The following WAC variants were observed in gnomAD, a reference collection of about 807,000 sequenced individuals.
The protein encoded by WAC is WW domain containing adaptor with coiled-coil.
In WAC, 11 loss-of-function variants were observed where a neutral mutation model predicts 79.6. The ratio of observed to expected loss-of-function variants is 0.14; its 90% CI spans 0.09 to 0.23. The LOEUF (loss-of-function observed/expected upper bound fraction) is 0.23, where lower values mean the gene tolerates loss of function less well. WAC is among the 10% of genes least tolerant of loss of function. The pLI is 1.00. For synonymous variants in WAC, 304 were observed against 276.9 expected, an observed-to-expected ratio of 1.10 and a Z score of -0.97; for missense variants, 728 against 773.5, an observed-to-expected ratio of 0.94 and a Z score of 0.70.
chr10:28,534,397 G>A, intron 2 of WAC: 2 of 233,962 alleles, frequency 8.5e-6, no homozygotes, highest in East Asian at 1.7e-4. Context: ...GAACTGAAAA[G>A]TTAATGTAAA....
intron 7 of WAC, among the ~76,000 whole-genome samples, chr10:28,604,003 A>C (rs1261158973): frequency 1.5e-5 from 2 of 134,998 alleles, no homozygotes; most frequent in African/African-American, 5.5e-5. Flanking sequence ...ATATATATAT[A>C]TTTCTATACT....
At chr10:28,593,725 T>G (rs538927337) in intron 6 of WAC, among the ~76,000 whole-genome samples, 159 of 106,394 alleles carry the variant, frequency 1.5e-3, no homozygotes, top group African/African-American at 6.9e-3. Flanking sequence ...CCAGTGAGAC[T>G]CTCTCAAAAA....
chr10:28,579,495 A>G (rs1042810603), intron 3 of WAC, among the ~76,000 whole-genome samples: 3 of 152,214 alleles, frequency 2.0e-5, no homozygotes, highest in African/African-American at 4.8e-5. Context: ...AAGTCTTACT[A>G]TATTCTTTCT....
chr10:28,618,997 G>A (rs966531031), intron 13 of WAC, among the ~76,000 whole-genome samples: 2 of 152,204 alleles, frequency 1.3e-5, no homozygotes. Context: ...TGTTAGAAAA[G>A]GCTGGGCGCG....
At chr10:28,549,281 C>T (rs542300535) in intron 3 of WAC, among the ~76,000 whole-genome samples, 2 of 152,244 alleles carry the variant, frequency 1.3e-5, no homozygotes, top group Admixed American at 6.5e-5. Context: ...TCAAAAGTTA[C>T]TTTTTCTGAG....
rs968705054 is a variant in WAC at position 28,622,012 on chromosome 10, G to C, written c.*2406G>C. 6.6e-6 allele frequency: 1 copy of C among 152,276 alleles called. No individual in the cohort carries two copies. Among genetic ancestry groups the C allele is most frequent in the Admixed American group, 6.6e-5 (1 of 15,256 alleles). The allele number at this position is 152,276 out of a possible 1,614,324, so 9.4% of individuals were successfully genotyped here. ...CCTGCCTCGGCGTTCCGAGTAGCTG[G>C]GATTACAGGCATGCACCACCACGCC... On this transcript the variant is annotated 3_prime_UTR_variant, in exon 14 of 14. Transcript: ENST00000354911.
intron 12 of WAC, 85 bp downstream of exon 12, chr10:28,616,447 C>T (rs553669224): frequency 8.2e-6 from 9 of 1,092,910 alleles, no homozygotes; most frequent in East Asian, 5.5e-5. Context: ...AATGTGACCA[C>T]TGAATTCAAG....
rs1295016995 is a variant in WAC, at chr10:28,581,102, G to C, written c.275-2297G>C. ...AGCTCACTAGAGATTTAGTGTGCACGGCTTTTACTGGATTTGGTGAGTTAT... is the reference window on the plus strand; with the variant it reads ...AGCTCACTAGAGATTTAGTGTGCACCGCTTTTACTGGATTTGGTGAGTTAT... On this transcript the variant is annotated intron_variant, in intron 3 of 13. Transcript: ENST00000354911. 2.0e-5 allele frequency among the ~76,000 whole-genome samples: 3 copies of C among 151,956 alleles called. No homozygotes were observed. The East Asian group carries it at 5.8e-4, about 29-fold the overall frequency.
At chr10:28,538,307 G>C in intron 3 of WAC, 1 of 333,552 alleles carries the variant, frequency 3.0e-6, no homozygotes, top group Non-Finnish European at 6.4e-6. Flanking sequence ...ATTCAGGCCG[G>C]GTCAGTGGCT....
At chr10:28,549,799 A>C (rs1381937313) in intron 3 of WAC, among the ~76,000 whole-genome samples, 1 of 152,156 alleles carries the variant, frequency 6.6e-6, no homozygotes, top group Non-Finnish European at 1.5e-5. Context: ...ATGAACTGTT[A>C]TGTCCATGCC....
rs1381162490 is a variant in WAC at position 28,622,214 on chromosome 10, G to T, written c.*2608G>T. ...TTAAACACAGAAAATCTAAAATTTT[G>T]TGGAAATATTTTAAATATTGCACCT... On this transcript the variant is annotated 3_prime_UTR_variant, in exon 14 of 14. Transcript: ENST00000354911. The T allele has an allele frequency of 6.6e-6, 1 of 152,118 alleles. No homozygotes were observed. Among genetic ancestry groups the T allele is most frequent in the African/African-American group, 2.4e-5 (1 of 41,408 alleles). 9.4% of individuals were successfully genotyped at this position (152,118 alleles called of 1,614,324 possible).
At chr10:28,594,848 T>C (rs904676621) in intron 6 of WAC, among the ~76,000 whole-genome samples, 1 of 152,210 alleles carries the variant, frequency 6.6e-6, no homozygotes, top group Non-Finnish European at 1.5e-5. Flanking sequence ...GTAATTTAGA[T>C]TGGACACTTT....
At chr10:28,590,156 A>T (rs919256659) in intron 5 of WAC, among the ~76,000 whole-genome samples, 1 of 152,078 alleles carries the variant, frequency 6.6e-6, no homozygotes, top group African/African-American at 2.4e-5. Context: ...CCCTGCCTCT[A>T]CAAAAAGTTA....
intron 10 of WAC, among the ~76,000 whole-genome samples, chr10:28,612,870 A>G (rs1841307749): frequency 6.6e-6 from 1 of 152,218 alleles, no homozygotes; most frequent in African/African-American, 2.4e-5. Context: ...AAGAGATGTT[A>G]TTTTTGGAGC....
chr10:28,558,906 T>C (rs991711195), intron 3 of WAC, among the ~76,000 whole-genome samples: 3 of 152,174 alleles, frequency 2.0e-5, no homozygotes, highest in South Asian at 2.1e-4. Context: ...TTGGAAAATA[T>C]CAGAAAATCC....
At chr10:28,537,516 G>A (rs1276270347) in intron 3 of WAC, 1 of 152,150 alleles carries the variant, frequency 6.6e-6, no homozygotes, top group Non-Finnish European at 1.5e-5. Flanking sequence ...AATGCAAGAA[G>A]TCAGTTTTTC....
chr10:28,577,063 C>G (rs1160741372), intron 3 of WAC, among the ~76,000 whole-genome samples: 1 of 152,130 alleles, frequency 6.6e-6, no homozygotes, highest in Non-Finnish European at 1.5e-5. Context: ...GAGGGAGTAA[C>G]TGTACAACCA....
At chr10:28,573,979 G>C (rs1488284531) in intron 3 of WAC, among the ~76,000 whole-genome samples, 1 of 151,504 alleles carries the variant, frequency 6.6e-6, no homozygotes, top group Non-Finnish European at 1.5e-5. Flanking sequence ...TTTTGTGACT[G>C]GGGTATTTCA....
rs1017309216 is a variant in WAC at position 28,620,662 on chromosome 10, G to A, written c.*1056G>A. On this transcript the variant is annotated 3_prime_UTR_variant, in exon 14 of 14. Transcript: ENST00000354911. ...TAATTGAAATAATTCCTTAAGGGAG[G>A]TTTTGTTTAAAACGTATTAACAGGA... The A allele has an allele frequency of 6.6e-6, 1 of 152,158 alleles. No homozygotes were observed. Among genetic ancestry groups the A allele is most frequent in the African/African-American group, 2.4e-5 (1 of 41,430 alleles). 9.4% of individuals were successfully genotyped at this position (152,158 alleles called of 1,614,324 possible).
Sources: allele counts gnomAD v4.1 joint callset (sites outside exome capture counted in the v4.1 genomes callset), GRCh38; gene constraint gnomAD v4.1.1; transcripts MANE v1.5; gene names NCBI Gene and HGNC (gene_info 2026-07-23, HGNC 2026-07-21).